The following TRDN variants were observed in gnomAD, a reference collection of about 807,000 sequenced individuals.
TRDN encodes the protein triadin.
In TRDN, 161 loss-of-function variants were observed where a neutral mutation model predicts 149.7. The ratio of observed to expected loss-of-function variants is 1.08; its 90% confidence interval spans 0.95 to 1.23. The LOEUF (loss-of-function observed/expected upper bound fraction) is 1.23. TRDN is among the 50% of genes most tolerant of loss of function. The pLI is 0.00. For synonymous variants in TRDN, 294 were observed against 250.5 expected, an observed-to-expected ratio of 1.17 and a Z score of -1.64; for missense variants, 896 against 823.5, an observed-to-expected ratio of 1.09 and a Z score of -1.08.
chr6:123,301,987 C>T (rs1352839048), intron 24 of TRDN, among the ~76,000 whole-genome samples: 3 of 149,430 alleles, frequency 2.0e-5, no homozygotes, highest in Non-Finnish European at 3.0e-5. Flanking sequence ...TTAGGTTATT[C>T]ACCTATACAT....
At chr6:123,544,370 G>A (rs7349870) in intron 4 of TRDN, among the ~76,000 whole-genome samples, 92,485 of 151,476 alleles carry the variant, frequency 0.61, 30,066 homozygotes, top group African/African-American at 0.82. Flanking sequence ...ACCAACAACA[G>A]ATTTATTTAT....
At chr6:123,311,125 C>T (rs1778802278) in intron 24 of TRDN, among the ~76,000 whole-genome samples, 1 of 151,914 alleles carries the variant, frequency 6.6e-6, no homozygotes, top group Admixed American at 6.6e-5. Flanking sequence ...TTAATTGACT[C>T]ATAGTTCGCA....
chr6:123,377,650 G>T, intron 18 of TRDN, 66 bp downstream of exon 18: 1 of 1,586,280 alleles, frequency 6.3e-7, no homozygotes, highest in South Asian at 1.1e-5. Context: ...CCACCTGTTT[G>T]AGGCTACAGC....
At chr6:123,453,418 A>G (rs1273044694) in intron 10 of TRDN, among the ~76,000 whole-genome samples, 6 of 152,136 alleles carry the variant, frequency 3.9e-5, no homozygotes, top group Non-Finnish European at 8.8e-5. Flanking sequence ...AAGAAAAAAA[A>G]CAGACAATCT....
intron 8 of TRDN, chr6:123,501,972 A>T (rs968025722): frequency 1.3e-5 from 13 of 985,184 alleles, no homozygotes; most frequent in Admixed American, 1.2e-4. Context: ...ATCCCCAAAG[A>T]TATGAAAAAT....
chr6:123,226,679 A>G (rs559655731), intron 38 of TRDN, among the ~76,000 whole-genome samples: 1 of 151,948 alleles, frequency 6.6e-6, no homozygotes, highest in East Asian at 2.0e-4. Context: ...AGCAGCAAAC[A>G]TTTACAGAAC....
At chr6:123,417,668 A>G (rs1773711810) in intron 12 of TRDN, among the ~76,000 whole-genome samples, 1 of 152,138 alleles carries the variant, frequency 6.6e-6, no homozygotes, top group Admixed American at 6.6e-5. Flanking sequence ...CACAATGTCA[A>G]AGGCAGAGCA....
At chr6:123,528,716 T>C (rs909138266) in intron 5 of TRDN, 32 of 987,972 alleles carry the variant, frequency 3.2e-5, no homozygotes, top group Non-Finnish European at 3.7e-5. Context: ...CTGAACTATT[T>C]GAGAATAAAG....
chr6:123,274,566 G>A (rs1777308592), intron 27 of TRDN, 75 bp downstream of exon 27: 1 of 1,346,872 alleles, frequency 7.4e-7, no homozygotes. Flanking sequence ...CTAGTGAGAT[G>A]TAAGCCTCTT....
intron 9 of TRDN, among the ~76,000 whole-genome samples, chr6:123,487,613 T>G (rs1424630471): frequency 6.6e-6 from 1 of 152,076 alleles, no homozygotes; most frequent in African/African-American, 2.4e-5. Flanking sequence ...ATGCCAAATA[T>G]CACCTCTTTC....
chr6:123,348,552 T>C (rs1376770432), intron 21 of TRDN, among the ~76,000 whole-genome samples: 1 of 152,038 alleles, frequency 6.6e-6, no homozygotes, highest in Non-Finnish European at 1.5e-5. Context: ...GGAAAGCTAA[T>C]CTGTAAATAA....
intron 10 of TRDN, chr6:123,439,568 T>A (rs1774762193): frequency 1.3e-5 from 2 of 152,234 alleles, no homozygotes; most frequent in African/African-American, 4.8e-5. Context: ...TTCTGAGTGG[T>A]TGTATCAACA....
At chr6:123,516,445 G>T (rs1779414251) in intron 5 of TRDN, among the ~76,000 whole-genome samples, 1 of 151,988 alleles carries the variant, frequency 6.6e-6, no homozygotes, top group African/African-American at 2.4e-5. Context: ...TGATTGCAAA[G>T]ATAAGAATAC....
intron 24 of TRDN, among the ~76,000 whole-genome samples, chr6:123,292,362 G>C (rs76179327): frequency 1.3e-5 from 2 of 152,116 alleles, no homozygotes; most frequent in African/African-American, 4.8e-5. Context: ...CTTTTTAGCA[G>C]TGTGGGAGCC....
intron 12 of TRDN, among the ~76,000 whole-genome samples, chr6:123,409,728 A>G (rs1230433575): frequency 6.6e-6 from 1 of 151,598 alleles, no homozygotes; most frequent in African/African-American, 2.4e-5. Context: ...CAAAACTCAG[A>G]GTCTAGTGAG....
At chr6:123,406,534 A>G (rs1224293081) in intron 12 of TRDN, among the ~76,000 whole-genome samples, 1 of 151,758 alleles carries the variant, frequency 6.6e-6, no homozygotes, top group Non-Finnish European at 1.5e-5. Context: ...TATAAAGCTT[A>G]AAACTTTATA....
intron 38 of TRDN, among the ~76,000 whole-genome samples, chr6:123,231,823 G>A (rs73771539): frequency 0.053 from 8,077 of 152,052 alleles, 638 homozygotes; most frequent in African/African-American, 0.19. Flanking sequence ...TCCGGGACAA[G>A]TAATACTGAT....
In TRDN at chr6:123,331,945, G is replaced by T; in HGVS notation, c.1421-16C>A. 1 of 1,523,194 alleles carries T rather than the reference G, an allele frequency of 6.6e-7. No homozygotes were observed. The highest frequency in any genetic ancestry group is 2.1e-5 in the Admixed American group (1 of 47,210). 94.4% of individuals were successfully genotyped at this position (1,523,194 alleles called of 1,614,324 possible). ...TTAATAGGTTCTGAAAAGAAACATC[G>T]GACATTTATTTGAAGCCAAGACAAA... On this transcript the variant is annotated splice_polypyrimidine_tract_variant and intron_variant, in intron 22 of 40. Transcript: ENST00000334268.
intron 40 of TRDN, 32 bp from the exon 41 acceptor site, chr6:123,218,772 C>T: frequency 6.5e-7 from 1 of 1,546,058 alleles, no homozygotes; most frequent in Non-Finnish European, 8.7e-7. Context: ...TTTGTTAAAA[C>T]ATGCAGAACA....
Sources: allele counts gnomAD v4.1 joint callset (sites outside exome capture counted in the v4.1 genomes callset), GRCh38; gene constraint gnomAD v4.1.1; transcripts MANE v1.5; gene names NCBI Gene and HGNC (gene_info 2026-07-23, HGNC 2026-07-21).